Variants in RERE observed in about 807,000 individuals in gnomAD.
RERE encodes arginine-glutamic acid dipeptide repeats protein.
Under a neutral mutation model 146.1 loss-of-function variants are expected in RERE, and 40 were observed. The observed-to-expected ratio is 0.27, with a 90% CI of 0.21 to 0.36. The LOEUF (loss-of-function observed/expected upper bound fraction) is 0.36, where lower values mean the gene tolerates loss of function less well. Ranked by LOEUF, RERE falls within the 10% of genes least tolerant of loss-of-function variation. RERE has a pLI of 1.00. For missense variants in RERE, 1,933 were observed against 2,138.7 expected (o/e 0.90, Z 1.90); for synonymous variants, 1,003 against 866.0 (o/e 1.16, Z -2.78).
intron 12 of RERE, among the ~76,000 whole-genome samples, chr1:8,398,952 C>T (rs1295749606): frequency 1.3e-5 from 2 of 152,090 alleles, no homozygotes; most frequent in African/African-American, 4.8e-5. Context: ...GTAAATATAA[C>T]GGGTGTGAAG....
rs541733940 is a variant in RERE, at chr1:8,598,436, T to C, written c.522+16125A>G. On this transcript the variant is annotated intron_variant, in intron 4 of 22. Transcript: ENST00000400908. ...GAAGCAACGTCACGGAGCTGGGTGCTGGGTGGGTTGCACCGTTCTGAGGCA... is the reference window on the plus strand; with the variant it reads ...GAAGCAACGTCACGGAGCTGGGTGCCGGGTGGGTTGCACCGTTCTGAGGCA... Among the ~76,000 whole-genome samples, 30 of 152,328 alleles carry C rather than the reference T, an allele frequency of 2.0e-4. 1 individual carries two copies. The highest frequency in any genetic ancestry group is 7.0e-4 in the African/African-American group (29 of 41,570).
At chr1:8,500,387 T>C (rs1212692815) in intron 8 of RERE, among the ~76,000 whole-genome samples, 1 of 152,224 alleles carries the variant, frequency 6.6e-6, no homozygotes, top group Non-Finnish European at 1.5e-5. Context: ...TCATAAGAAT[T>C]GATGAGTTGG....
chr1:8,719,701 G>C lies in RERE; in HGVS notation c.-144-63260C>G, dbSNP rs188987809. Among the ~76,000 whole-genome samples, 6 of 152,264 alleles carry C rather than the reference G, an allele frequency of 3.9e-5. No homozygotes were observed. In the East Asian group the frequency reaches 1.2e-3, roughly 29 times the overall value. On this transcript the variant is annotated intron_variant, in intron 1 of 22. Transcript: ENST00000400908. ...TTCCATTTTCTCTGGACAAGCGAAA[G>C]TAAGCCTACCACAACAGTTAATGGG...
intron 12 of RERE, among the ~76,000 whole-genome samples, chr1:8,388,412 C>T (rs1642759318): frequency 6.6e-6 from 1 of 152,030 alleles, no homozygotes; most frequent in African/African-American, 2.4e-5. Context: ...CTCCGCTTCC[C>T]GGGTTCACGC....
chr1:8,685,579 C>CA (rs539986768), intron 1 of RERE, among the ~76,000 whole-genome samples: 39 of 151,756 alleles, frequency 2.6e-4, no homozygotes, highest in Middle Eastern at 3.4e-3. Context: ...CACAAAAAAA[C>CA]AAAAAAAATC....
At chr1:8,370,616 TAGGATC>T (rs1642000904) in intron 12 of RERE, among the ~76,000 whole-genome samples, 1 of 152,160 alleles carries the variant, frequency 6.6e-6, no homozygotes, top group Non-Finnish European at 1.5e-5. Flanking sequence ...GAAGCGAGTC[TAGGATC>T]GGAAATGGCA....
chr1:8,752,029 C>G (rs1640547606), intron 1 of RERE, among the ~76,000 whole-genome samples: 1 of 151,414 alleles, frequency 6.6e-6, no homozygotes, highest in South Asian at 2.1e-4. Flanking sequence ...AGGCACTAAT[C>G]TAGAATAACC....
chr1:8,802,380 T>C (rs889661576), intron 1 of RERE, among the ~76,000 whole-genome samples: 2 of 152,356 alleles, frequency 1.3e-5, no homozygotes, highest in East Asian at 3.9e-4. Flanking sequence ...AAAGAGATCT[T>C]TTTTAAAAAG....
intron 11 of RERE, among the ~76,000 whole-genome samples, chr1:8,460,106 C>T (rs1379016326): frequency 4.6e-5 from 7 of 152,142 alleles, no homozygotes; most frequent in Admixed American, 3.9e-4. Flanking sequence ...TGGATCTTAA[C>T]GGGGATTTTG....
chr1:8,753,503 T>G (rs1265711453), intron 1 of RERE: 6 of 152,188 alleles, frequency 3.9e-5, no homozygotes, highest in Non-Finnish European at 1.5e-5. Flanking sequence ...TTTGACGGAT[T>G]TTAAAAGATT....
chr1:8,551,013 T>G (rs1453355942), intron 6 of RERE, among the ~76,000 whole-genome samples: 2 of 152,220 alleles, frequency 1.3e-5, no homozygotes, highest in African/African-American at 4.8e-5. Context: ...CTCAAACAGC[T>G]AATTTAGGGC....
At chr1:8,543,638 A>G (rs530018377) in intron 6 of RERE, among the ~76,000 whole-genome samples, 4 of 152,206 alleles carry the variant, frequency 2.6e-5, no homozygotes, top group Non-Finnish European at 5.9e-5. Flanking sequence ...TGTACTAAAT[A>G]ATTATTTATT....
rs773191046 is a variant in RERE, at chr1:8,361,873, C to T, written c.1906G>A (p.Val636Met). 3 of 1,611,710 alleles carry T rather than the reference C, an allele frequency of 1.9e-6. No individual in the cohort carries two copies. Among genetic ancestry groups the T allele is most frequent in the Non-Finnish European group, 2.5e-6 (3 of 1,177,852 alleles). ...AGAGGGGAAGAGGCTTCCTCCTTCA[C>T]CTTCTGCAGGGGAAAAGCCCACAAG... ...AETVKKSAKK[V>M]KEEASSPLKS... The change falls in exon 17 of 23, where the codon GTG becomes ATG. Residue 636 changes from valine (V) to methionine (M), a missense_variant. Physicochemically the swap from Val to Met is conservative, Grantham distance 21 (BLOSUM62 1). Around this residue, in one of 11 missense-constraint regions of RERE, gnomAD observed 1,255 missense variants for 1,153.8 expected, o/e 1.09. Coordinates refer to ENST00000400908, the MANE Select transcript of RERE (RefSeq NM_001042681.2).
At chr1:8,599,187 T>G (rs780045601) in intron 4 of RERE, among the ~76,000 whole-genome samples, 1 of 152,206 alleles carries the variant, frequency 6.6e-6, no homozygotes, top group South Asian at 2.1e-4. Context: ...ACCATTTCTT[T>G]TGGTCACTGA....
chr1:8,575,787 C>T (rs1161258563), intron 4 of RERE, among the ~76,000 whole-genome samples: 1 of 151,810 alleles, frequency 6.6e-6, no homozygotes, highest in African/African-American at 2.4e-5. Flanking sequence ...CAAAATTGTG[C>T]CCTACTTGGC....
At chr1:8,693,039 G>GA (rs569012593) in intron 1 of RERE, among the ~76,000 whole-genome samples, 14 of 150,476 alleles carry the variant, frequency 9.3e-5, no homozygotes, top group Admixed American at 1.3e-4. Flanking sequence ...GCAGTTATAT[G>GA]AAAAAAAAAA....
chr1:8,701,563 G>T (rs1170757302), intron 1 of RERE, among the ~76,000 whole-genome samples: 1 of 152,102 alleles, frequency 6.6e-6, no homozygotes, highest in African/African-American at 2.4e-5. Flanking sequence ...ATATGTTATT[G>T]AACACTTCTC....
At chr1:8,591,972 TTAA>T (rs1416000862) in intron 4 of RERE, among the ~76,000 whole-genome samples, 2 of 152,202 alleles carry the variant, frequency 1.3e-5, no homozygotes. Context: ...AGGTGAGGGT[TTAA>T]TAAACTTTGG....
chr1:8,731,865 C>T (rs370821943), intron 1 of RERE, among the ~76,000 whole-genome samples: 2 of 152,146 alleles, frequency 1.3e-5, no homozygotes, highest in African/African-American at 2.4e-5. Flanking sequence ...TGCAATGGCA[C>T]GATCTCGACT....
Sources: allele counts gnomAD v4.1 joint callset (sites outside exome capture counted in the v4.1 genomes callset), GRCh38; gene constraint gnomAD v4.1.1; regional missense constraint gnomAD v4.1.1; transcripts MANE v1.5; gene names NCBI Gene and HGNC (gene_info 2026-07-23, HGNC 2026-07-21).